MRPL51: variants seen among roughly 807,000 people sequenced by gnomAD.
MRPL51 encodes the protein mitochondrial ribosomal protein L51, also known as large ribosomal subunit protein mL51.
A neutral mutation model predicts 15.0 loss-of-function variants in MRPL51; 6 were observed. That is an observed-to-expected ratio of 0.40 (90% CI 0.22 to 0.79). The LOEUF is 0.79. Ranked by LOEUF, MRPL51 falls within the 30% of genes least tolerant of loss-of-function variation. The pLI is 0.36. For missense variants in MRPL51, 155 were observed against 166.4 expected (o/e 0.93, Z 0.38); for synonymous variants, 65 against 58.3 (o/e 1.11, Z -0.52).
rs780173339 is a variant in MRPL51, at chr12:6,492,250, C to T, written c.*21G>A. On this transcript the variant is annotated 3_prime_UTR_variant, in exon 3 of 3. Coordinates refer to ENST00000229238, the MANE Select transcript of MRPL51 (RefSeq NM_016497.4). ...TCCAGGGTGACAGATGAGCCTTTTC[C>T]GAAGTTCTCAGCTTTCTCTTCTATC... 3.2e-6 allele frequency: 5 copies of T among 1,564,692 alleles called. No individual in the cohort carries two copies. Among genetic ancestry groups the T allele is most frequent in the South Asian group, 1.2e-5 (1 of 82,744 alleles).
intron 2 of MRPL51, 88 bp downstream of exon 2, chr12:6,492,774 T>A (rs1945934385): frequency 7.6e-7 from 1 of 1,309,418 alleles, no homozygotes; most frequent in East Asian, 2.3e-5. Context: ...TTGAGCACAG[T>A]ACCACTCTCT....
At chr12:6,492,608 CTG>C (rs1945933011) in intron 2 of MRPL51, 141 bp from the exon 3 acceptor site, 1 of 941,892 alleles carries the variant, frequency 1.1e-6, no homozygotes, top group South Asian at 1.6e-5. Flanking sequence ...AGCACAGACT[CTG>C]GAGCCAGACT....
In MRPL51 at chr12:6,493,248, TACC is replaced by T; in HGVS notation, c.-115_-113del. 1 of 1,183,732 alleles carries T rather than the reference TACC, an allele frequency of 8.4e-7. No homozygotes were observed. Among genetic ancestry groups the T allele is most frequent in the Non-Finnish European group, 1.2e-6 (1 of 840,102 alleles). The allele number at this position is 1,183,732 out of a possible 1,614,324, so 73.3% of individuals were successfully genotyped here. On this transcript the variant is annotated 5_prime_UTR_variant, in exon 1 of 3. Transcript: ENST00000229238. ...AGGCGAAGACAGCCATCTTGGGCCT[TACC>T]CAGGCAGCTGTGGGCGCACCGCCCA... is the stretch of plus-strand genomic sequence containing the variant.
In MRPL51 at chr12:6,492,245, T is replaced by C; in HGVS notation, c.*26A>G. 1 of 1,558,194 alleles carries C rather than the reference T, an allele frequency of 6.4e-7. No homozygotes were observed. The highest frequency in any genetic ancestry group is 8.7e-7 in the Non-Finnish European group (1 of 1,153,746). On this transcript the variant is annotated 3_prime_UTR_variant, in exon 3 of 3. Transcript: ENST00000229238. ...CCTTCTCCAGGGTGACAGATGAGCCTTTTCCGAAGTTCTCAGCTTTCTCTT... is the reference window on the plus strand; with the variant it reads ...CCTTCTCCAGGGTGACAGATGAGCCCTTTCCGAAGTTCTCAGCTTTCTCTT...
Position 6,493,117 on chromosome 12 carries a change from G to C in MRPL51, c.20C>G (p.Ser7Cys). 1 of 1,612,480 alleles carries C rather than the reference G, an allele frequency of 6.2e-7. No homozygotes were observed. The highest frequency in any genetic ancestry group is 8.5e-7 in the Non-Finnish European group (1 of 1,179,982). MAGNLL[S>C]GAGRRLWDWV... is the part of the protein sequence containing the mutation. ...GTCCCACAGGCGCCTACCTGCCCCG[G>C]ATAAGAGGTTCCCTGCCATTTCTCT... is the stretch of plus-strand genomic sequence containing the variant. Residue 7 changes from serine to cysteine, a missense_variant, in exon 1 of 3, where the codon TCC (serine) becomes TGC (cysteine). Physicochemically the swap from Ser to Cys is moderately radical, Grantham distance 112. Coordinates refer to ENST00000229238, the MANE Select transcript of MRPL51 (RefSeq NM_016497.4).
rs780550355 is a variant in MRPL51, at chr12:6,492,349, G to A, written c.309C>T (p.Phe103=). The A allele has an allele frequency of 3.7e-6, 6 of 1,613,998 alleles. No individual in the cohort carries two copies. The highest frequency in any genetic ancestry group is 1.3e-5 in the African/African-American group (1 of 74,914). ...RKRKMVGSRM[F]ADDLHNLNKR... is the part of the protein sequence containing the mutation. ...TATTAAGGTTGTGCAGGTCATCAGC[G>A]AACATTCTACTTCCAACCATTTTCC... The change falls in exon 3 of 3, where the codon TTC becomes TTT. Residue 103 remains phenylalanine, a synonymous_variant. Transcript: ENST00000229238.
At position 6,492,298 on chromosome 12, in the gene MRPL51, G is replaced by C. The variant is rs758984520; in HGVS notation, c.360C>G (p.His120Gln). Reference sequence around the variant, plus strand: ...ATCGAAACTTCCCATGTCGGTTAAAGTGTTTGTAGAGATAGCGGATGCGTT... The same window carrying C: ...ATCGAAACTTCCCATGTCGGTTAAACTGTTTGTAGAGATAGCGGATGCGTT... Reference protein sequence around the residue: ...LNKRIRYLYKHFNRHGKFR With the variant: ...LNKRIRYLYKQFNRHGKFR The change falls in exon 3 of 3, where the codon CAC becomes CAG. Residue 120 changes from histidine (H) to glutamine (Q), a missense_variant. Transcript: ENST00000229238. The C allele has an allele frequency of 6.2e-7, 1 of 1,611,192 alleles. No homozygotes were observed. Among genetic ancestry groups the C allele is most frequent in the East Asian group, 2.2e-5 (1 of 44,830 alleles).
Position 6,493,215 on chromosome 12 carries a change from G to A in MRPL51, c.-79C>T, listed in dbSNP as rs71579341. 1.1e-3 allele frequency: 1,686 copies of A among 1,489,924 alleles called. 3 individuals are homozygous for A. The highest frequency in any genetic ancestry group is 1.5e-3 in the Non-Finnish European group (1,583 of 1,082,426). 92.3% of individuals were successfully genotyped at this position (1,489,924 alleles called of 1,614,324 possible). ...GGAACCGTCCCCGCCAACTTCACACGAGTACTAAGGCGAAGACAGCCATCT... is the reference window on the plus strand; with the variant it reads ...GGAACCGTCCCCGCCAACTTCACACAAGTACTAAGGCGAAGACAGCCATCT... On this transcript the variant is annotated 5_prime_UTR_variant, in exon 1 of 3. Coordinates refer to ENST00000229238, the MANE Select transcript of MRPL51 (RefSeq NM_016497.4).
In MRPL51 at chr12:6,493,251, C is replaced by T. The variant is rs553143751; in HGVS notation, c.-115G>A. On this transcript the variant is annotated 5_prime_UTR_variant, in exon 1 of 3. Transcript: ENST00000229238. ...CGAAGACAGCCATCTTGGGCCTTAC[C>T]CAGGCAGCTGTGGGCGCACCGCCCA... 10 of 1,172,976 alleles carry T rather than the reference C, an allele frequency of 8.5e-6. No individual in the cohort carries two copies. In the South Asian group the frequency reaches 1.4e-4, roughly 16 times the overall value. The allele number at this position is 1,172,976 out of a possible 1,614,324, so 72.7% of individuals were successfully genotyped here. A position where few individuals can be genotyped will look rare whatever the true frequency, so the allele number is the denominator to read the frequency against.
In MRPL51 at chr12:6,492,568, T is replaced by C. The variant is rs905933827; in HGVS notation, c.191-101A>G. The C allele has an allele frequency of 8.9e-5, 109 of 1,230,046 alleles. No individual in the cohort carries two copies. In the South Asian group the frequency reaches 1.1e-3, roughly 12 times the overall value. The allele number at this position is 1,230,046 out of a possible 1,614,324, so 76.2% of individuals were successfully genotyped here. On this transcript the variant is annotated intron_variant, in intron 2 of 2. Coordinates refer to ENST00000229238, the MANE Select transcript of MRPL51 (RefSeq NM_016497.4). ...GTTGCATCTTGCTGAGCAGCACCTA[T>C]AGACAAGGAACATTACAGTACAGAA...
rs1427592354 is a variant in MRPL51 at position 6,492,477 on chromosome 12, G to A, written c.191-10C>T. ...TGCTTTTCAAAGTTTCCTGTGTAAT[G>A]TGAGAGAACACATTAGATCCAAGAC... On this transcript the variant is annotated splice_polypyrimidine_tract_variant and intron_variant, in intron 2 of 2. Transcript: ENST00000229238. 1.9e-6 allele frequency: 3 copies of A among 1,591,100 alleles called. No homozygotes were observed. The Admixed American group carries it at 5.5e-5, about 29-fold the overall frequency.
chr12:6,492,243 C>G lies in MRPL51; in HGVS notation c.*28G>C, dbSNP rs1339944454. On this transcript the variant is annotated 3_prime_UTR_variant, in exon 3 of 3. Coordinates refer to ENST00000229238, the MANE Select transcript of MRPL51 (RefSeq NM_016497.4). ...TCCCTTCTCCAGGGTGACAGATGAG[C>G]CTTTTCCGAAGTTCTCAGCTTTCTC... is the stretch of plus-strand genomic sequence containing the variant. 6.4e-7 allele frequency: 1 copy of G among 1,556,600 alleles called. No homozygotes were observed. The highest frequency in any genetic ancestry group is 2.0e-5 in the Admixed American group (1 of 50,344).
chr12:6,492,837 T>C, intron 2 of MRPL51, 25 bp downstream of exon 2: 1 of 1,564,500 alleles, frequency 6.4e-7, no homozygotes, highest in Non-Finnish European at 8.8e-7. Context: ...TGAAATTGTG[T>C]ACCACGTCGA....
chr12:6,493,164 CA>C lies in MRPL51; in HGVS notation c.-29del. ...CTCTAGTCTCCCCCCTTCAACAGCA[CA>C]CCAAATAAGCCCAAGAAGATGACAG... On this transcript the variant is annotated 5_prime_UTR_variant, in exon 1 of 3. Transcript: ENST00000229238. The C allele has an allele frequency of 6.2e-7, 1 of 1,610,646 alleles. No individual in the cohort carries two copies. The highest frequency in any genetic ancestry group is 8.5e-7 in the Non-Finnish European group (1 of 1,178,824).
At position 6,492,157 on chromosome 12, in the gene MRPL51, G is replaced by A; in HGVS notation, c.*114C>T. On this transcript the variant is annotated 3_prime_UTR_variant, in exon 3 of 3. Transcript: ENST00000229238. ...AAGTATGTGGCTATCAAATTCCAAA[G>A]AAGCCCCATTTTATTACAGAGAAAA... 8.8e-7 allele frequency: 1 copy of A among 1,138,012 alleles called. No homozygotes were observed. Among genetic ancestry groups the A allele is most frequent in the Non-Finnish European group, 1.2e-6 (1 of 802,628 alleles). The allele number at this position is 1,138,012 out of a possible 1,614,324, so 70.5% of individuals were successfully genotyped here. A position where few individuals can be genotyped will look rare whatever the true frequency, so the allele number is the denominator to read the frequency against.
Position 6,491,926 on chromosome 12 carries a change from A to AAT in MRPL51, c.*344_*345insAT, listed in dbSNP as rs1945923803. 1 of 187,604 alleles carries AAT rather than the reference A, an allele frequency of 5.3e-6. No individual in the cohort carries two copies. Among genetic ancestry groups the AAT allele is most frequent in the South Asian group, 1.5e-4 (1 of 6,844 alleles). 11.6% of individuals were successfully genotyped at this position (187,604 alleles called of 1,614,324 possible). On this transcript the variant is annotated 3_prime_UTR_variant, in exon 3 of 3. Coordinates refer to ENST00000229238, the MANE Select transcript of MRPL51 (RefSeq NM_016497.4). ...CTCTTATATTTCATTTCAGTGTGGA[A>AAT]GGCTCTTTAGAAACACTATTAACAT... is the stretch of plus-strand genomic sequence containing the variant.
At position 6,493,158 on chromosome 12, in the gene MRPL51, A is replaced by G. The variant is rs765709255; in HGVS notation, c.-22T>C. 60 of 1,611,282 alleles carry G rather than the reference A, an allele frequency of 3.7e-5. No homozygotes were observed. Among genetic ancestry groups the G allele is most frequent in the Non-Finnish European group, 4.8e-5 (57 of 1,179,482 alleles). ...CCATTTCTCTAGTCTCCCCCCTTCA[A>G]CAGCACACCAAATAAGCCCAAGAAG... On this transcript the variant is annotated 5_prime_UTR_variant, in exon 1 of 3. Transcript: ENST00000229238.
In MRPL51 at chr12:6,492,399, C is replaced by T; in HGVS notation, c.259G>A (p.Glu87Lys). 1.2e-6 allele frequency: 2 copies of T among 1,614,102 alleles called. No individual in the cohort carries two copies. The highest frequency in any genetic ancestry group is 1.7e-6 in the Non-Finnish European group (2 of 1,180,006). ...PIWLRGWKGN[E>K]LQRCIRKRKM... ...CTCTTTCGGATACAACGTTGCAATT[C>T]ATTCCCTTTCCAACCTCGAAGCCAT... The change falls in exon 3 of 3, where the codon GAA (glutamate) becomes AAA (lysine). Residue 87 changes from glutamate (E) to lysine (K), a missense_variant. Coordinates refer to ENST00000229238, the MANE Select transcript of MRPL51 (RefSeq NM_016497.4).
Position 6,492,251 on chromosome 12 carries a change from G to C in MRPL51, c.*20C>G, listed in dbSNP as rs1945927086. On this transcript the variant is annotated 3_prime_UTR_variant, in exon 3 of 3. Transcript: ENST00000229238. Reference sequence around the variant, plus strand: ...CCAGGGTGACAGATGAGCCTTTTCCGAAGTTCTCAGCTTTCTCTTCTATCG... The same window carrying C: ...CCAGGGTGACAGATGAGCCTTTTCCCAAGTTCTCAGCTTTCTCTTCTATCG... 6.4e-7 allele frequency: 1 copy of C among 1,565,618 alleles called. No homozygotes were observed. The highest frequency in any genetic ancestry group is 1.2e-5 in the South Asian group (1 of 83,162).
Sources: gnomAD v4.1 joint callset for allele counts on GRCh38, gnomAD v4.1.1 for gene constraint, MANE v1.5 for transcripts, NCBI Gene and HGNC (gene_info 2026-07-23, HGNC 2026-07-21) for gene names.